NTM: variants seen among roughly 807,000 people sequenced by gnomAD.
The protein encoded by NTM is neurotrimin, also known as IgLON family member 2.
Under a neutral mutation model 42.1 loss-of-function variants are expected in NTM, and 13 were observed. The ratio of observed to expected loss-of-function variants is 0.31; its 90% CI spans 0.20 to 0.49. NTM has a LOEUF of 0.49. Among genes scored for constraint, NTM ranks in the 20% least tolerant of loss-of-function variants. The pLI is 0.99. For synonymous variants in NTM, 187 were observed against 179.2 expected, an observed-to-expected ratio of 1.04 and a Z score of -0.35; for missense variants, 373 against 452.8, an observed-to-expected ratio of 0.82 and a Z score of 1.60.
intron 3 of NTM, among the ~76,000 whole-genome samples, chr11:132,199,211 G>A (rs1566450318): frequency 1.3e-5 from 2 of 152,298 alleles, no homozygotes; most frequent in South Asian, 4.1e-4. Flanking sequence ...AGAAATCTAA[G>A]AAAGGCGTGA....
chr11:131,521,366 A>G (rs1320596705), intron 1 of NTM, among the ~76,000 whole-genome samples: 1 of 142,898 alleles, frequency 7.0e-6, no homozygotes, highest in Non-Finnish European at 1.5e-5. Flanking sequence ...TAAATGCAGA[A>G]GAAGCAAGGT....
chr11:131,592,872 G>T (rs1183695280), intron 1 of NTM, among the ~76,000 whole-genome samples: 1 of 152,168 alleles, frequency 6.6e-6, no homozygotes, highest in African/African-American at 2.4e-5. Context: ...ATGTGCAGCA[G>T]CCTGCCATCA....
intron 1 of NTM, among the ~76,000 whole-genome samples, chr11:131,863,264 C>T (rs1262479086): frequency 6.6e-6 from 1 of 152,196 alleles, no homozygotes; most frequent in African/African-American, 2.4e-5. Context: ...TCTCTGGCAC[C>T]CTGATGGTGC....
At chr11:131,409,099 C>T (rs1004352071) in intron 1 of NTM, among the ~76,000 whole-genome samples, 7 of 152,282 alleles carry the variant, frequency 4.6e-5, no homozygotes, top group East Asian at 3.9e-4. Context: ...GAACACTGTC[C>T]CCACTAACTG....
chr11:132,012,599 C>A (rs1318666163), intron 2 of NTM, among the ~76,000 whole-genome samples: 10 of 152,260 alleles, frequency 6.6e-5, no homozygotes, highest in Admixed American at 5.9e-4. Flanking sequence ...AAAGCGCATA[C>A]AGGACCTTAT....
intron 3 of NTM, among the ~76,000 whole-genome samples, chr11:132,149,485 A>G (rs1419345337): frequency 6.6e-6 from 1 of 152,218 alleles, no homozygotes. Flanking sequence ...GTATTTATGT[A>G]TATGTAGTCA....
intron 1 of NTM, among the ~76,000 whole-genome samples, chr11:131,530,896 T>C (rs557796940): frequency 1.6e-4 from 25 of 152,314 alleles, no homozygotes; most frequent in African/African-American, 5.8e-4. Flanking sequence ...ATGTAAACTA[T>C]ACCTTGCTAG....
chr11:132,098,283 C>CA (rs397709441), intron 2 of NTM, among the ~76,000 whole-genome samples: 3 of 151,842 alleles, frequency 2.0e-5, no homozygotes, highest in Admixed American at 2.0e-4. Context: ...TATATTCCCC[C>CA]AAAATTGTGA....
At chr11:131,885,642 G>A (rs1006074493) in intron 1 of NTM, among the ~76,000 whole-genome samples, 2 of 152,118 alleles carry the variant, frequency 1.3e-5, no homozygotes, top group African/African-American at 2.4e-5. Context: ...CCCCACAAAC[G>A]TCATTAGTTC....
At chr11:132,072,939 C>G (rs574712600) in intron 2 of NTM, among the ~76,000 whole-genome samples, 1 of 152,130 alleles carries the variant, frequency 6.6e-6, no homozygotes, top group Non-Finnish European at 1.5e-5. Flanking sequence ...GACAAACACT[C>G]TTTGAAAGTT....
chr11:132,220,272 T>G (rs2084873007), intron 4 of NTM, among the ~76,000 whole-genome samples: 2 of 152,140 alleles, frequency 1.3e-5, no homozygotes, highest in Non-Finnish European at 1.5e-5. Flanking sequence ...CATAAGTGGC[T>G]TAAACACAGA....
At chr11:132,227,978 C>A (rs1404322504) in intron 4 of NTM, among the ~76,000 whole-genome samples, 3 of 152,154 alleles carry the variant, frequency 2.0e-5, no homozygotes, top group African/African-American at 7.2e-5. Flanking sequence ...AATATTTAAC[C>A]CTGCATGACC....
chr11:132,322,074 A>C (rs1050233673), intron 7 of NTM, among the ~76,000 whole-genome samples: 1 of 152,236 alleles, frequency 6.6e-6, no homozygotes, highest in African/African-American at 2.4e-5. Flanking sequence ...CTGCAAAAAC[A>C]GGCCAAAATG....
At chr11:132,226,251 G>A (rs2086248055) in intron 4 of NTM, among the ~76,000 whole-genome samples, 1 of 152,128 alleles carries the variant, frequency 6.6e-6, no homozygotes, top group East Asian at 1.9e-4. Context: ...TGGGTCAAAT[G>A]GTATTTCTGG....
At chr11:132,236,263 T>C (rs980121088) in intron 4 of NTM, among the ~76,000 whole-genome samples, 2 of 152,302 alleles carry the variant, frequency 1.3e-5, no homozygotes, top group South Asian at 4.2e-4. Flanking sequence ...GATAAGAACA[T>C]TGAAGCTCAG....
intron 2 of NTM, among the ~76,000 whole-genome samples, chr11:131,916,543 A>G (rs542977994): frequency 6.6e-6 from 1 of 152,284 alleles, no homozygotes; most frequent in Non-Finnish European, 1.5e-5. Context: ...ACTCCATGGA[A>G]TCACACAGAC....
intron 2 of NTM, among the ~76,000 whole-genome samples, chr11:132,111,478 T>A (rs1429455543): frequency 6.6e-6 from 1 of 152,096 alleles, no homozygotes; most frequent in Non-Finnish European, 1.5e-5. Flanking sequence ...TCATACAGCT[T>A]TAATGCAACA....
intron 4 of NTM, among the ~76,000 whole-genome samples, chr11:132,301,577 A>G (rs2094859842): frequency 6.6e-6 from 1 of 152,146 alleles, no homozygotes; most frequent in Admixed American, 6.5e-5. Flanking sequence ...ATCCAGTCAA[A>G]ACAGAAAACC....
chr11:131,498,785 C>A (rs930144075), intron 1 of NTM, among the ~76,000 whole-genome samples: 1 of 152,160 alleles, frequency 6.6e-6, no homozygotes. Flanking sequence ...GAGGGGGTGG[C>A]CACTTGCTGG....
Sources: allele counts gnomAD v4.1 joint callset (sites outside exome capture counted in the v4.1 genomes callset), GRCh38; gene constraint gnomAD v4.1.1; transcripts MANE v1.5; gene names NCBI Gene and HGNC (gene_info 2026-07-23, HGNC 2026-07-21).